The following RER1 variants were observed in gnomAD, a reference collection of about 807,000 sequenced individuals.
RER1 encodes protein RER1.
RER1 carries 6 observed loss-of-function variants against 28.3 expected under a neutral mutation model. That is an observed-to-expected ratio of 0.21 (90% confidence interval 0.12 to 0.42). The LOEUF is 0.42. Ranked by LOEUF, RER1 falls within the 10% of genes least tolerant of loss-of-function variation. The pLI is 1.00. For synonymous variants in RER1, 110 were observed against 95.9 expected, an observed-to-expected ratio of 1.15 and a Z score of -0.86; for missense variants, 159 against 252.9, an observed-to-expected ratio of 0.63 and a Z score of 2.52.
Position 2,395,785 on chromosome 1 carries a change from T to TA in RER1, c.-5dup, listed in dbSNP as rs749513941. ...AAGTATTTTGTGTTTTTCTCCCAGT[T>TA]ACAGAATGTCTGAAGGGGACAGTGT... On this transcript the variant is annotated splice_region_variant and 5_prime_UTR_variant, in exon 2 of 7. Transcript: ENST00000605895. 6.2e-7 allele frequency: 1 copy of TA among 1,610,656 alleles called. No homozygotes were observed. The highest frequency in any genetic ancestry group is 1.1e-5 in the South Asian group (1 of 91,012).
chr1:2,393,302 A>AC (rs1321000676), intron 1 of RER1: 1 of 152,098 alleles, frequency 6.6e-6, no homozygotes, highest in Non-Finnish European at 1.5e-5. Flanking sequence ...CAGACAAGGG[A>AC]CCCCTCAAGG....
In RER1 at chr1:2,400,713, C is replaced by T. The variant is rs191996560; in HGVS notation, c.287-144C>T. On this transcript the variant is annotated intron_variant, in intron 4 of 6. Coordinates refer to ENST00000605895, the MANE Select transcript of RER1 (RefSeq NM_007033.5). Reference sequence around the variant, plus strand: ...GATGTGTCAGTTGACCACAGACCCCCGTTTTCTCGTTTTCTCTGGTTAAAT... The same window carrying T: ...GATGTGTCAGTTGACCACAGACCCCTGTTTTCTCGTTTTCTCTGGTTAAAT... The T allele has an allele frequency of 1.9e-3, 1,327 of 715,234 alleles. 2 individuals are homozygous for T. Among genetic ancestry groups the T allele is most frequent in the Non-Finnish European group, 2.7e-3 (1,099 of 399,966 alleles). 44.3% of individuals were successfully genotyped at this position (715,234 alleles called of 1,614,324 possible). A position where few individuals can be genotyped will look rare whatever the true frequency, so the allele number is the denominator to read the frequency against.
At chr1:2,402,444 G>GCCA in intron 6 of RER1, 102 bp downstream of exon 6, 2 of 1,489,778 alleles carry the variant, frequency 1.3e-6, no homozygotes, top group Non-Finnish European at 1.8e-6. Flanking sequence ...GGCAGAGTCT[G>GCCA]CCTGGTGTGA....
chr1:2,401,224 C>T (rs1642843949), intron 5 of RER1, among the ~76,000 whole-genome samples: 2 of 102,552 alleles, frequency 2.0e-5, no homozygotes, highest in African/African-American at 3.4e-5. Context: ...CCTCCCTCCT[C>T]CTCCCTTCCT....
At chr1:2,396,011 T>A (rs1642763160) in intron 2 of RER1, 140 bp downstream of exon 2, 1 of 700,010 alleles carries the variant, frequency 1.4e-6, no homozygotes, top group Non-Finnish European at 2.6e-6. Flanking sequence ...GAAGACAGCG[T>A]TCTCTTCACT....
intron 2 of RER1, chr1:2,396,095 C>T: frequency 3.6e-6 from 2 of 548,700 alleles, no homozygotes; most frequent in East Asian, 6.0e-5. Context: ...TTTTCTGTTT[C>T]TGTTTTCCTT....
At position 2,405,104 on chromosome 1, in the gene RER1, T is replaced by C. The variant is rs1642954405; in HGVS notation, c.*1980T>C. ...TGTGCGTCTCAGGCTGAGATGCAGA[T>C]TTCTGTTTTCTAAAACTGGAAGCGA... On this transcript the variant is annotated 3_prime_UTR_variant, in exon 7 of 7. Transcript: ENST00000605895. The C allele has an allele frequency of 6.2e-6, 1 of 160,172 alleles. No individual in the cohort carries two copies. The highest frequency in any genetic ancestry group is 1.4e-5 in the Non-Finnish European group (1 of 72,150). 9.9% of individuals were successfully genotyped at this position (160,172 alleles called of 1,614,324 possible). A position where few individuals can be genotyped will look rare whatever the true frequency, so the allele number is the denominator to read the frequency against.
chr1:2,393,112 G>C (rs1461441802), intron 1 of RER1: 1 of 5,324 alleles, frequency 1.9e-4, no homozygotes, highest in Non-Finnish European at 3.5e-4. Flanking sequence ...GACGGGCCTG[G>C]AACAAGGCAC....
intron 6 of RER1, 59 bp downstream of exon 6, chr1:2,402,401 T>G: frequency 3.1e-6 from 5 of 1,608,418 alleles, no homozygotes; most frequent in Non-Finnish European, 4.2e-6. Context: ...ACCCGCAGCA[T>G]TGGGGGAGCT....
In RER1 at chr1:2,397,549, C is replaced by CGCTCTGTGGCTGCCTCATTCCTTGGGT. The variant is rs558658467; in HGVS notation, c.186+331_186+357dup. On this transcript the variant is annotated intron_variant, in intron 3 of 6. Coordinates refer to ENST00000605895, the MANE Select transcript of RER1 (RefSeq NM_007033.5). ...CTGCATGATGCTCAGGACAAGGTTG[C>CGCTCTGTGGCTGCCTCATTCCTTGGGT]GCTCTGTGGCTGCCTCATTCCTTGG... Among the ~76,000 whole-genome samples, 698 of 152,250 alleles carry CGCTCTGTGGCTGCCTCATTCCTTGGGT rather than the reference C, an allele frequency of 4.6e-3. 1 individual carries two copies. Among genetic ancestry groups the CGCTCTGTGGCTGCCTCATTCCTTGGGT allele is most frequent in the South Asian group, 1.0e-2 (48 of 4,820 alleles).
intron 1 of RER1, chr1:2,395,181 A>G (rs1642750593): frequency 6.5e-6 from 1 of 153,832 alleles, no homozygotes; most frequent in East Asian, 1.9e-4. Context: ...ATGGCATCAC[A>G]GCAGTGTTGA....
chr1:2,393,801 CTGTGTTTGGTATACGTG>C (rs777981402), intron 1 of RER1, among the ~76,000 whole-genome samples: 96 of 152,250 alleles, frequency 6.3e-4, no homozygotes, highest in African/African-American at 2.2e-3. Flanking sequence ...AGGGTGCAAG[CTGTGTTTGGTATACGTG>C]TGTGTTTGGT....
At chr1:2,392,579 A>T (rs1642698164) in intron 1 of RER1, among the ~76,000 whole-genome samples, 1 of 152,232 alleles carries the variant, frequency 6.6e-6, no homozygotes, top group South Asian at 2.1e-4. Context: ...CACAGCACAG[A>T]GGGCTGCTTT....
chr1:2,395,124 G>A (rs1408404009), intron 1 of RER1: 10 of 152,524 alleles, frequency 6.6e-5, no homozygotes, highest in Non-Finnish European at 1.3e-4. Context: ...GAATTAAGTG[G>A]GTGAACAATG....
At chr1:2,399,098 C>G (rs775661304) in intron 3 of RER1, among the ~76,000 whole-genome samples, 1 of 152,202 alleles carries the variant, frequency 6.6e-6, no homozygotes, top group Non-Finnish European at 1.5e-5. Flanking sequence ...TTGAGAAAAG[C>G]CTCCTTTTCT....
chr1:2,397,261 G>A (rs748081908), intron 3 of RER1, 41 bp downstream of exon 3: 18 of 1,342,578 alleles, frequency 1.3e-5, no homozygotes, highest in Admixed American at 6.7e-5. Context: ...CTCTGTCCAC[G>A]TTACCTGGGC....
At chr1:2,402,179 G>C (rs748791762) in intron 5 of RER1, 28 bp from the exon 6 acceptor site, 3 of 1,614,056 alleles carry the variant, frequency 1.9e-6, no homozygotes, top group Middle Eastern at 1.6e-4. Context: ...CTGCAGATGC[G>C]GCGCTAACCT....
rs964390815 is a variant in RER1 at position 2,395,456 on chromosome 1, C to G, written c.-7-328C>G. The G allele has an allele frequency of 3.7e-5, 13 of 352,348 alleles. 1 individual carries two copies. Among genetic ancestry groups the G allele is most frequent in the South Asian group, 2.9e-4 (11 of 38,464 alleles). The allele number at this position is 352,348 out of a possible 1,614,324, so 21.8% of individuals were successfully genotyped here. A position where few individuals can be genotyped will look rare whatever the true frequency, so the allele number is the denominator to read the frequency against. ...GACATGCAGTGCCACGTGCCATGGA[C>G]CAGCCAGTGGACCCCATGGCCAGCA... On this transcript the variant is annotated intron_variant, in intron 1 of 6. Transcript: ENST00000605895.
In RER1 at chr1:2,399,514, G is replaced by C; in HGVS notation, c.286G>C (p.Asp96His). The change falls in exon 4 of 7, where the codon GAT becomes CAT. Residue 96 changes from aspartate (D) to histidine (H), a missense_variant and splice_region_variant. By Grantham distance (81) the Asp-to-His change is moderately conservative (BLOSUM62 -1). Transcript: ENST00000605895. Reference protein sequence around the residue: ...KVDPSLMEDSDDGPSLPTKQN... With the variant: ...KVDPSLMEDSHDGPSLPTKQN... ...GGATCCTTCCTTAATGGAAGACTCA[G>C]GTAGGGTAGCGGCTGTGCACTGGGC... The C allele has an allele frequency of 6.3e-7, 1 of 1,596,352 alleles. No individual in the cohort carries two copies. Among genetic ancestry groups the C allele is most frequent in the Non-Finnish European group, 8.6e-7 (1 of 1,163,836 alleles).
Sources: allele counts gnomAD v4.1 joint callset (sites outside exome capture counted in the v4.1 genomes callset), GRCh38; gene constraint gnomAD v4.1.1; transcripts MANE v1.5; gene names NCBI Gene and HGNC (gene_info 2026-07-23, HGNC 2026-07-21).